RANBP2: variants seen among roughly 807,000 people sequenced by gnomAD.
RANBP2 encodes E3 SUMO-protein ligase RanBP2.
RANBP2 carries 57 observed loss-of-function variants against 303.6 expected under a neutral mutation model. The ratio of observed to expected loss-of-function variants is 0.19; its 90% CI spans 0.15 to 0.23. The LOEUF (loss-of-function observed/expected upper bound fraction) is 0.23. RANBP2 is among the 10% of genes least tolerant of loss of function. The pLI, the probability that RANBP2 is intolerant of heterozygous loss-of-function variation, is 1.00. For missense variants in RANBP2, 3,138 were observed against 3,780.8 expected (o/e 0.83, Z 4.46); for synonymous variants, 1,167 against 1,301.5 (o/e 0.90, Z 2.23).
At chr2:108,768,578 T>C (rs1677278834) in intron 20 of RANBP2, among the ~76,000 whole-genome samples, 190 bp downstream of exon 20, 1 of 152,200 alleles carries the variant, frequency 6.6e-6, no homozygotes, top group African/African-American at 2.4e-5. Flanking sequence ...GAGAACTTAG[T>C]TTAAGACATT....
At chr2:109,572,801 G>A in the RANBP2 span, among the ~76,000 whole-genome samples, 1 of 151,690 alleles carries the variant, frequency 6.6e-6, no homozygotes, top group South Asian at 2.1e-4. Context: ...ATTTTTAGTA[G>A]AGACAAGGTT....
Position 108,731,334 on chromosome 2 carries a change from T to C in RANBP2, c.265T>C (p.Leu89=). 2 of 1,611,310 alleles carry C rather than the reference T, an allele frequency of 1.2e-6. No homozygotes were observed. Among genetic ancestry groups the C allele is most frequent in the Non-Finnish European group, 1.7e-6 (2 of 1,179,478 alleles). The part of the protein sequence containing the change: ...AVECYRRSVE[L]NPTQKDLVLK... ...TTTCTGATATTAGCGTTCAGTGGAATTAAACCCAACACAAAAAGATCTTGT... is the reference window on the plus strand; with the variant it reads ...TTTCTGATATTAGCGTTCAGTGGAACTAAACCCAACACAAAAAGATCTTGT... Residue 89 remains leucine, a synonymous_variant, in exon 4 of 29, where the codon TTA becomes CTA. Coordinates refer to ENST00000283195, the MANE Select transcript of RANBP2 (RefSeq NM_006267.5).
At chr2:109,296,283 A>G in the RANBP2 span, among the ~76,000 whole-genome samples, 1 of 152,070 alleles carries the variant, frequency 6.6e-6, no homozygotes, top group Non-Finnish European at 1.5e-5. Context: ...GCTGGAGTGC[A>G]ATGGTGCTAT....
At chr2:109,352,891 G>A in the RANBP2 span, among the ~76,000 whole-genome samples, 3 of 152,248 alleles carry the variant, frequency 2.0e-5, no homozygotes, top group Admixed American at 6.5e-5. Context: ...ACAGATAACC[G>A]TTTTGATTTG....
chr2:109,055,232 TA>T, the RANBP2 span, among the ~76,000 whole-genome samples: 27 of 152,324 alleles, frequency 1.8e-4, no homozygotes, highest in African/African-American at 6.3e-4. Flanking sequence ...GTGCCCCTTT[TA>T]AAGAATTGGG....
At position 108,729,341 on chromosome 2, in the gene RANBP2, C is replaced by T. The variant is rs572610258; in HGVS notation, c.140+142C>T. On this transcript the variant is annotated intron_variant, in intron 2 of 28. Transcript: ENST00000283195. ...AAGGGATTTATCACTCAGACTGATG[C>T]TAAGGACCAGCCTAGATTCCATTGA... is the stretch of plus-strand genomic sequence containing the variant. 40 of 1,046,774 alleles carry T rather than the reference C, an allele frequency of 3.8e-5. 1 individual carries two copies. The South Asian group carries it at 5.0e-4, about 13-fold the overall frequency. The allele number at this position is 1,046,774 out of a possible 1,614,324, so 64.8% of individuals were successfully genotyped here.
chr2:109,610,443 G>A, the RANBP2 span, among the ~76,000 whole-genome samples: 2 of 152,170 alleles, frequency 1.3e-5, no homozygotes, highest in African/African-American at 4.8e-5. Flanking sequence ...GGCCGGGCAT[G>A]GTGGCTCACG....
At chr2:109,503,292 A>T in the RANBP2 span, 1 of 152,224 alleles carries the variant, frequency 6.6e-6, no homozygotes, top group Non-Finnish European at 1.5e-5. Flanking sequence ...ATTGGTTTTC[A>T]GGGATGTAAC....
chr2:109,008,151 G>A, the RANBP2 span, among the ~76,000 whole-genome samples: 1 of 152,168 alleles, frequency 6.6e-6, no homozygotes, highest in Non-Finnish European at 1.5e-5. Context: ...GAAACCTCAT[G>A]TACCTTGCTT....
chr2:109,415,511 C>T, the RANBP2 span, among the ~76,000 whole-genome samples: 1 of 152,126 alleles, frequency 6.6e-6, no homozygotes, highest in Non-Finnish European at 1.5e-5. Context: ...CTGAGCGTGT[C>T]CAGACCCCCT....
At chr2:109,238,652 G>GAGTTTCTTAAACCC in the RANBP2 span, among the ~76,000 whole-genome samples, 1 of 152,146 alleles carries the variant, frequency 6.6e-6, no homozygotes, top group Non-Finnish European at 1.5e-5. Context: ...CCCAGAGTGT[G>GAGTTTCTTAAACCC]ATGAATGGAG....
Position 108,764,767 on chromosome 2 carries a change from T to G in RANBP2, c.4228T>G (p.Leu1410Val). Reference sequence around the variant, plus strand: ...AGAGAATGTTCAAGATCGATTTGCATTGGTGACTCCAAAGAAAGAAGGTCA... The same window carrying G: ...AGAGAATGTTCAAGATCGATTTGCAGTGGTGACTCCAAAGAAAGAAGGTCA... ...SPENVQDRFA[L>V]VTPKKEGHWD... The change falls in exon 20 of 29, where the codon TTG (leucine) becomes GTG (valine). Residue 1410 changes from leucine to valine, a missense_variant. Leu to Val is a conservative substitution (Grantham distance 32, BLOSUM62 1). Coordinates refer to ENST00000283195, the MANE Select transcript of RANBP2 (RefSeq NM_006267.5). 6.2e-7 allele frequency: 1 copy of G among 1,614,100 alleles called. No individual in the cohort carries two copies. Among genetic ancestry groups the G allele is most frequent in the Non-Finnish European group, 8.5e-7 (1 of 1,179,968 alleles).
the RANBP2 span, among the ~76,000 whole-genome samples, chr2:109,298,764 C>T: frequency 1.3e-5 from 2 of 152,172 alleles, no homozygotes; most frequent in Non-Finnish European, 2.9e-5. Context: ...AACCTTCTTC[C>T]ACCCCTGGTC....
chr2:109,610,324 A>G, the RANBP2 span, among the ~76,000 whole-genome samples: 7 of 152,218 alleles, frequency 4.6e-5, 1 homozygote, highest in African/African-American at 1.7e-4. Flanking sequence ...TCTTGACCTC[A>G]TGATCCATCC....
intron 1 of RANBP2, among the ~76,000 whole-genome samples, chr2:108,720,910 G>C (rs919783349): frequency 6.6e-6 from 1 of 152,128 alleles, no homozygotes; most frequent in Non-Finnish European, 1.5e-5. Flanking sequence ...TTAGCCGGGC[G>C]TGGTGGCGCA....
the RANBP2 span, among the ~76,000 whole-genome samples, chr2:109,228,058 C>G: frequency 2.0e-5 from 3 of 152,188 alleles, no homozygotes; most frequent in Admixed American, 6.5e-5. Context: ...TGCCCAGACA[C>G]AGGTACGAGT....
chr2:109,428,440 G>C, the RANBP2 span, among the ~76,000 whole-genome samples: 1 of 152,216 alleles, frequency 6.6e-6, no homozygotes, highest in African/African-American at 2.4e-5. Flanking sequence ...CACATGCCAT[G>C]CCCAGCTGGG....
chr2:109,551,179 A>G, the RANBP2 span, among the ~76,000 whole-genome samples: 1 of 152,328 alleles, frequency 6.6e-6, no homozygotes, highest in Non-Finnish European at 1.5e-5. Context: ...CTAGTCATCT[A>G]ATGTTCACAC....
the RANBP2 span, among the ~76,000 whole-genome samples, chr2:109,103,131 G>A: frequency 6.6e-6 from 1 of 152,230 alleles, no homozygotes; most frequent in South Asian, 2.1e-4. Flanking sequence ...TGGCTGACGA[G>A]TCCCCTGGTG....
Sources: allele counts gnomAD v4.1 joint callset (sites outside exome capture counted in the v4.1 genomes callset), GRCh38; gene constraint gnomAD v4.1.1; transcripts MANE v1.5; gene names NCBI Gene and HGNC (gene_info 2026-07-23, HGNC 2026-07-21).